The following MMD2 variants were observed in gnomAD, a reference collection of about 807,000 sequenced individuals.
MMD2 encodes monocyte to macrophage differentiation associated 2.
Under a neutral mutation model 33.5 loss-of-function variants are expected in MMD2, and 30 were observed. The ratio of observed to expected loss-of-function variants is 0.90; its 90% CI spans 0.67 to 1.22. The LOEUF (loss-of-function observed/expected upper bound fraction) is 1.22, where lower values mean the gene tolerates loss of function less well. Ranked by LOEUF, MMD2 falls within the 50% of genes most tolerant of loss-of-function variation. The pLI, the probability that MMD2 is intolerant of heterozygous loss-of-function variation, is 0.00. For missense variants in MMD2, 364 were observed against 325.4 expected, an observed-to-expected ratio of 1.12 and a Z score of -0.91; for synonymous variants, 129 against 123.0, an observed-to-expected ratio of 1.05 and a Z score of -0.32.
chr7:4,909,990 TCC>T (rs766249144), intron 5 of MMD2, 40 bp from the exon 6 acceptor site: 3 of 1,613,798 alleles, frequency 1.9e-6, no homozygotes, highest in Non-Finnish European at 2.5e-6. Context: ...AGGACATGCC[TCC>T]CCACGAAGAA....
chr7:4,927,817 A>G (rs1473196029), intron 1 of MMD2, among the ~76,000 whole-genome samples: 1 of 152,184 alleles, frequency 6.6e-6, no homozygotes, highest in Non-Finnish European at 1.5e-5. Flanking sequence ...CCAGAGCACC[A>G]CGTGGAGCTA....
In MMD2 at chr7:4,940,555, C is replaced by T. The variant is rs1785880085; in HGVS notation, c.48-15023G>A. Among the ~76,000 whole-genome samples, 1 of 152,228 alleles carries T rather than the reference C, an allele frequency of 6.6e-6. No homozygotes were observed. The highest frequency in any genetic ancestry group is 1.5e-5 in the Non-Finnish European group (1 of 68,046). ...CAAGTTGGCCCCGGCCGTGCTAAGC[C>T]TCTCTCCCCCTCTCCGCTTGGCCCT... On this transcript the variant is annotated intron_variant, in intron 1 of 6. Coordinates refer to ENST00000401401, the MANE Select transcript of MMD2 (RefSeq NM_198403.4). This position sits in a 1 kb window ranked among gnomAD's most constrained non-coding sequence, Gnocchi z 5.0.
intron 1 of MMD2, among the ~76,000 whole-genome samples, chr7:4,928,846 G>A (rs6969613): frequency 0.083 from 12,661 of 151,720 alleles, 544 homozygotes; most frequent in Middle Eastern, 0.18. Flanking sequence ...CATTTATTAA[G>A]CACCTTTTGT....
intron 1 of MMD2, among the ~76,000 whole-genome samples, chr7:4,948,450 G>A (rs1199051194): frequency 1.3e-5 from 2 of 152,106 alleles, no homozygotes; most frequent in Admixed American, 1.3e-4. Flanking sequence ...TTGAACCTGG[G>A]AGGCAGAGGT....
intron 1 of MMD2, among the ~76,000 whole-genome samples, chr7:4,952,308 C>G (rs1039013537): frequency 6.6e-6 from 1 of 152,224 alleles, no homozygotes; most frequent in Admixed American, 6.5e-5. Context: ...TGGGCTGTGC[C>G]TGGATGAATC....
Position 4,959,103 on chromosome 7 carries a change from G to A in MMD2, c.-86C>T. 9.0e-7 allele frequency: 1 copy of A among 1,107,452 alleles called. No individual in the cohort carries two copies. The highest frequency in any genetic ancestry group is 1.2e-6 in the Non-Finnish European group (1 of 868,358). 68.6% of individuals were successfully genotyped at this position (1,107,452 alleles called of 1,614,324 possible). A position where few individuals can be genotyped will look rare whatever the true frequency, so the allele number is the denominator to read the frequency against. Reference sequence around the variant, plus strand: ...GGGGGCGCGGCGGCGGCAGCAGCAGGTTGGAGGGCGCGCGGCGGGGGCCAA... The same window carrying A: ...GGGGGCGCGGCGGCGGCAGCAGCAGATTGGAGGGCGCGCGGCGGGGGCCAA... On this transcript the variant is annotated 5_prime_UTR_variant, in exon 1 of 7. Coordinates refer to ENST00000401401, the MANE Select transcript of MMD2 (RefSeq NM_198403.4).
downstream of MMD2, among the ~76,000 whole-genome samples, chr7:4,904,300 A>C (rs551517928): frequency 5.3e-5 from 8 of 152,290 alleles, no homozygotes; most frequent in African/African-American, 1.4e-4. Flanking sequence ...TGCCCACCGG[A>C]GAGAATGGCC....
At chr7:4,916,371 CTTTTTTTTTT>C (rs553309427) in intron 3 of MMD2, among the ~76,000 whole-genome samples, 3 of 64,748 alleles carry the variant, frequency 4.6e-5, no homozygotes, top group African/African-American at 1.4e-4. Context: ...CTCCGTCCCA[CTTTTTTTTTT>C]TTTTTTTTTT....
intron 2 of MMD2, among the ~76,000 whole-genome samples, chr7:4,924,340 C>T (rs1562483042): frequency 6.6e-6 from 1 of 152,266 alleles, no homozygotes; most frequent in Admixed American, 6.5e-5. Context: ...GCCAAACACA[C>T]AATAGCCCCC....
chr7:4,941,312 T>A (rs1583392533), intron 1 of MMD2, among the ~76,000 whole-genome samples: 2 of 152,162 alleles, frequency 1.3e-5, no homozygotes, highest in Admixed American at 1.3e-4. Flanking sequence ...TGAGAGTTGG[T>A]AAGTTTTCAG....
chr7:4,938,002 CTTTTTTTTTTTTT>C (rs1165504272), intron 1 of MMD2, among the ~76,000 whole-genome samples: 2 of 45,646 alleles, frequency 4.4e-5, no homozygotes, highest in African/African-American at 2.1e-4. Context: ...TTCTTTCTTT[CTTTTTTTTTTTTT>C]TTTTTTTTTT....
chr7:4,897,151 C>G, the MMD2 span, among the ~76,000 whole-genome samples: 1 of 151,146 alleles, frequency 6.6e-6, no homozygotes, highest in Admixed American at 6.6e-5. Flanking sequence ...TGAGCCACCA[C>G]GCCCGGCCTT....
chr7:4,918,740 G>A (rs184546819), intron 3 of MMD2, among the ~76,000 whole-genome samples: 31 of 151,712 alleles, frequency 2.0e-4, no homozygotes, highest in African/African-American at 4.8e-4. Context: ...CTCCTACCTC[G>A]GCCACCCAAA....
In MMD2 at chr7:4,940,564, C is replaced by G. The variant is rs191054415; in HGVS notation, c.48-15032G>C. Among the ~76,000 whole-genome samples the G allele has an allele frequency of 7.2e-5, 11 of 152,252 alleles. No individual in the cohort carries two copies. Among genetic ancestry groups the G allele is most frequent in the African/African-American group, 2.2e-4 (9 of 41,472 alleles). The stretch of plus-strand genomic sequence containing the variant: ...CCCGGCCGTGCTAAGCCTCTCTCCC[C>G]CTCTCCGCTTGGCCCTGGCCGCTTC... On this transcript the variant is annotated intron_variant, in intron 1 of 6. Transcript: ENST00000401401. This position sits in a 1 kb window ranked among gnomAD's most constrained non-coding sequence, Gnocchi z 5.0.
At chr7:4,920,369 T>TGGGTGG in intron 2 of MMD2, 38 bp from the exon 3 acceptor site, 3 of 1,586,896 alleles carry the variant, frequency 1.9e-6, no homozygotes, top group Non-Finnish European at 2.6e-6. Flanking sequence ...GTGCAGCAGC[T>TGGGTGG]GGGTGGCTCA....
chr7:4,951,572 C>T (rs1239245171), intron 1 of MMD2, among the ~76,000 whole-genome samples: 2 of 152,230 alleles, frequency 1.3e-5, no homozygotes, highest in East Asian at 1.9e-4. Flanking sequence ...GTGGTTTCTG[C>T]CCATCCAGCA....
chr7:4,928,051 G>T (rs1399878945), intron 1 of MMD2, among the ~76,000 whole-genome samples: 1 of 152,192 alleles, frequency 6.6e-6, no homozygotes, highest in Non-Finnish European at 1.5e-5. Context: ...ACACCTGGCT[G>T]TCGGACCAGC....
At chr7:4,944,564 G>A (rs1178805278) in intron 1 of MMD2, among the ~76,000 whole-genome samples, 1 of 152,094 alleles carries the variant, frequency 6.6e-6, no homozygotes, top group African/African-American at 2.4e-5. Context: ...GATCGAGGAG[G>A]ACTTGGAATG....
chr7:4,937,689 G>A (rs1001522243), intron 1 of MMD2, among the ~76,000 whole-genome samples: 2 of 152,078 alleles, frequency 1.3e-5, no homozygotes, highest in African/African-American at 2.4e-5. Flanking sequence ...TTAATTTTTT[G>A]TAGAGACAGA....
Sources: gnomAD v4.1 joint callset for allele counts (sites outside exome capture counted in the v4.1 genomes callset) on GRCh38, gnomAD v4.1.1 for gene constraint, Gnocchi (gnomAD v3.1) non-coding constraint, MANE v1.5 for transcripts, NCBI Gene and HGNC (gene_info 2026-07-23, HGNC 2026-07-21) for gene names.